Variants in KMT2D observed in about 807,000 individuals in gnomAD.
KMT2D encodes the protein histone-lysine N-methyltransferase 2D.
KMT2D carries 55 observed loss-of-function variants against 512.7 expected under a neutral mutation model. The observed-to-expected ratio is 0.11, with a 90% confidence interval of 0.09 to 0.13. KMT2D has a LOEUF of 0.13. KMT2D is among the 10% of genes least tolerant of loss of function. The pLI is 1.00. For missense variants in KMT2D, 6,061 were observed against 7,127.9 expected (o/e 0.85, Z 5.39); for synonymous variants, 2,995 against 2,904.0 (o/e 1.03, Z -1.01).
Position 49,032,445 on chromosome 12 carries a change from C to T in KMT2D, c.12260G>A (p.Ser4087Asn), listed in dbSNP as rs1942967209. 6.4e-7 allele frequency: 1 copy of T among 1,572,554 alleles called. No individual in the cohort carries two copies. The highest frequency in any genetic ancestry group is 8.6e-7 in the Non-Finnish European group (1 of 1,158,792). ...LVQPQPQPQPSSLQLQPPLRL... is the reference protein window; with the variant it reads ...LVQPQPQPQPNSLQLQPPLRL... ...CAGAGGTGGCTGCAGCTGCAGAGAG[C>T]TGGGCTGAGGCTGGGGCTGGGGTTG... The change falls in exon 40 of 55, where the codon AGC (serine) becomes AAC (asparagine). Residue 4087 changes from serine (S) to asparagine (N), a missense_variant. Around this residue, in one of 16 missense-constraint regions of KMT2D, gnomAD observed 1,600 missense variants for 1,754.9 expected, o/e 0.91. Coordinates refer to ENST00000301067, the MANE Select transcript of KMT2D (RefSeq NM_003482.4).
rs2120692115 is a variant in KMT2D, at chr12:49,052,963, C to A, written c.1064G>T (p.Gly355Val). The A allele has an allele frequency of 6.2e-7, 1 of 1,614,034 alleles. No homozygotes were observed. Among genetic ancestry groups the A allele is most frequent in the Non-Finnish European group, 8.5e-7 (1 of 1,179,868 alleles). ...LCHRCHKAQG[G>V]QTIRSVAEQH... ...CTCAGCAACGGAGCGGATAGTCTGA[C>A]CTCCCTGGGCTTTGTGACAGCGGTG... The change falls in exon 9 of 55, where the codon GGT becomes GTT. Residue 355 changes from glycine (G) to valine (V), a missense_variant. Physicochemically the swap from Gly to Val is moderately radical, Grantham distance 109. Around this residue, in one of 16 missense-constraint regions of KMT2D, gnomAD observed 848 missense variants for 838.5 expected, o/e 1.01. Transcript: ENST00000301067.
In KMT2D at chr12:49,044,144, T is replaced by C. The variant is rs1943673562; in HGVS notation, c.5188+56A>G. 7 of 1,589,570 alleles carry C rather than the reference T, an allele frequency of 4.4e-6. No individual in the cohort carries two copies. In the South Asian group the frequency reaches 6.7e-5, roughly 15 times the overall value. The stretch of plus-strand genomic sequence containing the variant: ...TTTCAATGAGTCCACCCCCTGGGTC[T>C]CTCTAGCATTGCCCCACCTTCTCCC... On this transcript the variant is annotated intron_variant, in intron 22 of 54. Transcript: ENST00000301067. The surrounding 1 kb of genome is among the most constrained non-coding windows in gnomAD (Gnocchi z 6.4).
In KMT2D at chr12:49,037,482, C is replaced by T. The variant is rs1356252726; in HGVS notation, c.9874G>A (p.Ala3292Thr). Residue 3292 changes from alanine to threonine, a missense_variant, in exon 35 of 55, where the codon GCC becomes ACC. Physicochemically the swap from Ala to Thr is moderately conservative, Grantham distance 58. Transcript: ENST00000301067. ...TCATGTGGCAAAGACATGGCCTGGGCAGGGCCTGGTGCAGACAGTAGGGAA... is the reference window on the plus strand; with the variant it reads ...TCATGTGGCAAAGACATGGCCTGGGTAGGGCCTGGTGCAGACAGTAGGGAA... ...QHSLLSAPGPAQAMSLPHEGS... is the reference protein window; with the variant it reads ...QHSLLSAPGPTQAMSLPHEGS... The T allele has an allele frequency of 5.1e-6, 8 of 1,561,642 alleles. No individual in the cohort carries two copies. The Admixed American group carries it at 5.8e-5, about 11-fold the overall frequency.
At position 49,048,737 on chromosome 12, in the gene KMT2D, C is replaced by T. The variant is rs1396972164; in HGVS notation, c.4053G>A (p.Glu1351=). The T allele has an allele frequency of 6.2e-7, 1 of 1,612,226 alleles. No homozygotes were observed. The highest frequency in any genetic ancestry group is 8.5e-7 in the Non-Finnish European group (1 of 1,178,856). ...TGGTGTCATCATCTTCTTCCTCCTC[C>T]TCCTTACTGGGAGAGCTATCAATGT... is the stretch of plus-strand genomic sequence containing the variant. The part of the protein sequence containing the change: ...VADIDSSPSK[E]EEEEDDDTMQ... Residue 1351 remains glutamate (E), a synonymous_variant, in exon 14 of 55, where the codon GAG becomes GAA. Coordinates refer to ENST00000301067, the MANE Select transcript of KMT2D (RefSeq NM_003482.4).
At position 49,044,278 on chromosome 12, in the gene KMT2D, G is replaced by A. The variant is rs1943681513; in HGVS notation, c.5110C>T (p.Arg1704Trp). Residue 1704 changes from arginine (R) to tryptophan (W), a missense_variant, in exon 22 of 55, where the codon CGG (arginine) becomes TGG (tryptophan). Arg to Trp is a moderately radical substitution (Grantham distance 101). Coordinates refer to ENST00000301067, the MANE Select transcript of KMT2D (RefSeq NM_003482.4). The surrounding 1 kb of genome is among the most constrained non-coding windows in gnomAD (Gnocchi z 6.4). Reference protein sequence around the residue: ...PGIGGFMVRQRKSHTRTKKGP... With the variant: ...PGIGGFMVRQWKSHTRTKKGP... ...TTTTTCGTGCGTGTGTGGGATTTCCGCTGTCGCACCATGAAACCACCAATG... is the reference window on the plus strand; with the variant it reads ...TTTTTCGTGCGTGTGTGGGATTTCCACTGTCGCACCATGAAACCACCAATG... 1.9e-6 allele frequency: 3 copies of A among 1,613,540 alleles called. No individual in the cohort carries two copies. The highest frequency in any genetic ancestry group is 1.7e-6 in the Non-Finnish European group (2 of 1,179,886).
In KMT2D at chr12:49,021,796, C is replaced by T. The variant is rs1028780200; in HGVS notation, c.16598G>A (p.Arg5533Gln). 2.5e-6 allele frequency: 4 copies of T among 1,613,824 alleles called. No homozygotes were observed. The highest frequency in any genetic ancestry group is 2.2e-5 in the South Asian group (2 of 91,078). ...IPCHCGAWNCRKWMN is the reference protein window; with the variant it reads ...IPCHCGAWNCQKWMN Reference sequence around the variant, plus strand: ...CAAAGCTTCTTAGTTCATCCATTTCCGACAATTCCAGGCTCCACAGTGGCA... The same window carrying T: ...CAAAGCTTCTTAGTTCATCCATTTCTGACAATTCCAGGCTCCACAGTGGCA... The change falls in exon 55 of 55, where the codon CGG (arginine) becomes CAG (glutamine). Residue 5533 changes from arginine to glutamine, a missense_variant. Arg to Gln is a conservative substitution (Grantham distance 43). This residue lies in a region of KMT2D where 44 missense variants were observed against 194.7 expected (regional missense o/e 0.23). Coordinates refer to ENST00000301067, the MANE Select transcript of KMT2D (RefSeq NM_003482.4).
chr12:49,033,896 CTGT>C lies in KMT2D; in HGVS notation c.10806_10808del (p.Gln3612del), dbSNP rs762392663. The C allele has an allele frequency of 1.3e-5, 20 of 1,532,950 alleles. 1 individual carries two copies. The South Asian group carries it at 2.5e-4, about 19-fold the overall frequency. The allele number at this position is 1,532,950 out of a possible 1,614,324, so 95.0% of individuals were successfully genotyped here. On this transcript the variant is annotated inframe_deletion, in exon 40 of 55. Transcript: ENST00000301067. ...GTTGCTGTTGTTGCTGCTGCTGCTG[CTGT>C]TGTTGCTGCTGCTTGTTCCGATATT... is the stretch of plus-strand genomic sequence containing the variant.
Position 49,045,911 on chromosome 12 carries a change from G to A in KMT2D, c.4741+9C>T. 1.9e-6 allele frequency: 3 copies of A among 1,612,140 alleles called. 1 individual carries two copies. The highest frequency in any genetic ancestry group is 2.2e-5 in the East Asian group (1 of 44,872). ...TCTGGCTTTGGCATTCAAAATTTCT[G>A]TGACTCACCTGGCTCTTTCACCTTC... On this transcript the variant is annotated intron_variant, in intron 19 of 54. Transcript: ENST00000301067.
At position 49,046,842 on chromosome 12, in the gene KMT2D, A is replaced by G; in HGVS notation, c.4237-52T>C. 1 of 1,523,774 alleles carries G rather than the reference A, an allele frequency of 6.6e-7. No homozygotes were observed. The highest frequency in any genetic ancestry group is 1.2e-5 in the South Asian group (1 of 82,676). 94.4% of individuals were successfully genotyped at this position (1,523,774 alleles called of 1,614,324 possible). On this transcript the variant is annotated intron_variant, in intron 15 of 54. Transcript: ENST00000301067. The surrounding 1 kb of genome is among the most constrained non-coding windows in gnomAD (Gnocchi z 4.2). ...GGGTGTGAGGTGGAAAAGAGGTAGA[A>G]CTTCTTTTTATTTTTTTTTGGAGAT...
chr12:49,022,244 G>A lies in KMT2D; in HGVS notation c.16412+36C>T, dbSNP rs2137704570. The A allele has an allele frequency of 1.3e-6, 2 of 1,593,962 alleles. No homozygotes were observed. The highest frequency in any genetic ancestry group is 2.3e-5 in the East Asian group (1 of 43,986). ...CTATCCCCCAGAGTGCCACTCTCAG[G>A]GACCACTAAATCCCTCCTTCCTCGT... On this transcript the variant is annotated intron_variant, in intron 53 of 54. Transcript: ENST00000301067. The surrounding 1 kb of genome is among the most constrained non-coding windows in gnomAD (Gnocchi z 8.6).
Position 49,037,685 on chromosome 12 carries a change from C to T in KMT2D, c.9671G>A (p.Gly3224Asp), listed in dbSNP as rs2120484185. ...ELESGALTLPGGPAASGDELD... is the reference protein window; with the variant it reads ...ELESGALTLPDGPAASGDELD... ...CTCATCCCCAGATGCTGCAGGTCCACCAGGCAAGGTCAAAGCCCCACTCTC... is the reference window on the plus strand; with the variant it reads ...CTCATCCCCAGATGCTGCAGGTCCATCAGGCAAGGTCAAAGCCCCACTCTC... The change falls in exon 35 of 55, where the codon GGT becomes GAT. Residue 3224 changes from glycine (G) to aspartate (D), a missense_variant. Gly to Asp is a moderately conservative substitution (Grantham distance 94, BLOSUM62 -1). This residue lies in a region of KMT2D where 533 missense variants were observed against 539.6 expected (regional missense o/e 0.99). Transcript: ENST00000301067. 1 of 1,585,094 alleles carries T rather than the reference C, an allele frequency of 6.3e-7. No individual in the cohort carries two copies. Among genetic ancestry groups the T allele is most frequent in the Non-Finnish European group, 8.6e-7 (1 of 1,165,566 alleles).
Position 49,038,053 on chromosome 12 carries a change from G to T in KMT2D, c.9303C>A (p.Pro3101=), listed in dbSNP as rs765240382. 5 of 1,612,378 alleles carry T rather than the reference G, an allele frequency of 3.1e-6. No homozygotes were observed. In the African/African-American group the frequency reaches 6.7e-5, roughly 22 times the overall value. The change falls in exon 35 of 55, where the codon CCC becomes CCA. Residue 3101 remains proline, a synonymous_variant. Coordinates refer to ENST00000301067, the MANE Select transcript of KMT2D (RefSeq NM_003482.4). This position sits in a 1 kb window ranked among gnomAD's most constrained non-coding sequence, Gnocchi z 5.7. ...PGPLGPEERP[P]PAADASEPRL... ...GGGGTTCAGAGGCATCAGCAGCAGG[G>T]GGAGGGCGCTCCTCAGGGCCCAAGG...
In KMT2D at chr12:49,041,963, A is replaced by G. The variant is rs1316091128; in HGVS notation, c.6137T>C (p.Met2046Thr). The G allele has an allele frequency of 1.1e-5, 17 of 1,611,826 alleles. No individual in the cohort carries two copies. Among genetic ancestry groups the G allele is most frequent in the Non-Finnish European group, 1.4e-5 (17 of 1,178,972 alleles). Residue 2046 changes from methionine (M) to threonine (T), a missense_variant, in exon 30 of 55, where the codon ATG becomes ACG. By Grantham distance (81) the Met-to-Thr change is moderately conservative. Transcript: ENST00000301067. The surrounding 1 kb of genome is among the most constrained non-coding windows in gnomAD (Gnocchi z 5.4). ...TGCTGGAACCTTTCTCCAGAGCTTC[A>G]TGATTTGTTTGCAACGGCTTGACCA... ...PDWSSRCKQI[M>T]KLWRKVPAAD...
rs2120531470 is a variant in KMT2D, at chr12:49,040,611, G to T, written c.7159C>A (p.Pro2387Thr). 6.2e-7 allele frequency: 1 copy of T among 1,613,512 alleles called. No homozygotes were observed. The highest frequency in any genetic ancestry group is 1.3e-5 in the African/African-American group (1 of 74,970). Residue 2387 changes from proline (P) to threonine (T), a missense_variant, in exon 32 of 55, where the codon CCC becomes ACC. Coordinates refer to ENST00000301067, the MANE Select transcript of KMT2D (RefSeq NM_003482.4). ...PYAQPPLTPR[P>T]QPPPPESCCA... The stretch of plus-strand genomic sequence containing the variant: ...CAGCTCTCAGGGGGCGGAGGTTGGG[G>T]CCGAGGAGTCAATGGGGGCTGAGCA...
rs980258889 is a variant in KMT2D, at chr12:49,024,824, G to A, written c.15907C>T (p.Arg5303Cys). ...CCCTTCCTTACTGATTCAGCTATGC[G>A]AAGCACGGCATGCACCGTCAGCCCA... ...LFGLTVHAVLRIAESLPGVES... is the reference protein window; with the variant it reads ...LFGLTVHAVLCIAESLPGVES... Residue 5303 changes from arginine to cysteine, a missense_variant, in exon 50 of 55, where the codon CGC becomes TGC. By Grantham distance (180) the Arg-to-Cys change is radical. Transcript: ENST00000301067. This position sits in a 1 kb window ranked among gnomAD's most constrained non-coding sequence, Gnocchi z 4.5. 1.4e-5 allele frequency: 23 copies of A among 1,612,808 alleles called. No homozygotes were observed. The highest frequency in any genetic ancestry group is 1.9e-5 in the Non-Finnish European group (22 of 1,179,410).
In KMT2D at chr12:49,046,340, A is replaced by G. The variant is rs1592146012; in HGVS notation, c.4503T>C (p.Cys1501=). The G allele has an allele frequency of 6.2e-7, 1 of 1,613,968 alleles. No individual in the cohort carries two copies. Among genetic ancestry groups the G allele is most frequent in the Non-Finnish European group, 8.5e-7 (1 of 1,179,876 alleles). ...WQNSYTHCGP[C]ASLVTCPICH... is the part of the protein sequence containing the mutation. Reference sequence around the variant, plus strand: ...AGATAGGGCAGGTCACCAGGCTGGCACAGGGCCCACAGTGTGTGTAACTAT... The same window carrying G: ...AGATAGGGCAGGTCACCAGGCTGGCGCAGGGCCCACAGTGTGTGTAACTAT... The change falls in exon 17 of 55, where the codon TGT becomes TGC. Residue 1501 remains cysteine, a synonymous_variant. Coordinates refer to ENST00000301067, the MANE Select transcript of KMT2D (RefSeq NM_003482.4). The surrounding 1 kb of genome is among the most constrained non-coding windows in gnomAD (Gnocchi z 4.2).
rs200422133 is a variant in KMT2D, at chr12:49,039,778, G to C, written c.7992C>G (p.Thr2664=). Residue 2664 remains threonine, a synonymous_variant, in exon 32 of 55, where the codon ACC becomes ACG. Coordinates refer to ENST00000301067, the MANE Select transcript of KMT2D (RefSeq NM_003482.4). The surrounding 1 kb of genome is among the most constrained non-coding windows in gnomAD (Gnocchi z 5.0). The part of the protein sequence containing the change: ...SSLATAELPG[T]QDPGMSGLSQ... ...TAAGGCCGGACATGCCTGGGTCCTG[G>C]GTACCTGGGAGTTCAGCTGTCGCCA... 1 of 1,613,924 alleles carries C rather than the reference G, an allele frequency of 6.2e-7. No individual in the cohort carries two copies.
In KMT2D at chr12:49,051,214, G is replaced by A. The variant is rs2120665489; in HGVS notation, c.2469C>T (p.Cys823=). 1 of 1,513,140 alleles carries A rather than the reference G, an allele frequency of 6.6e-7. No homozygotes were observed. The highest frequency in any genetic ancestry group is 8.9e-7 in the Non-Finnish European group (1 of 1,125,320). 93.7% of individuals were successfully genotyped at this position (1,513,140 alleles called of 1,614,324 possible). The change falls in exon 11 of 55, where the codon TGC becomes TGT. Residue 823 remains cysteine, a synonymous_variant. Transcript: ENST00000301067. The part of the protein sequence containing the change: ...PHLSPVPEEP[C]LSPQPEESHL... ...GTGATTCCTCAGGTTGGGGGGACAA[G>A]CATGGCTCCTCAGGCACAGGAGACA...
At position 49,054,714 on chromosome 12, in the gene KMT2D, C is replaced by T. The variant is rs770192344; in HGVS notation, c.214G>A (p.Gly72Arg). Residue 72 changes from glycine (G) to arginine (R), a missense_variant, in exon 4 of 55, where the codon GGG (glycine) becomes AGG (arginine). By Grantham distance (125) the Gly-to-Arg change is moderately radical (BLOSUM62 -2). Around this residue, in one of 16 missense-constraint regions of KMT2D, gnomAD observed 144 missense variants for 165.7 expected, o/e 0.87. Coordinates refer to ENST00000301067, the MANE Select transcript of KMT2D (RefSeq NM_003482.4). This position sits in a 1 kb window ranked among gnomAD's most constrained non-coding sequence, Gnocchi z 6.4. The part of the protein sequence containing the change: ...PVRRCALCNC[G>R]EPSLHGQREL... ...CGCTGCCCGTGTAGACTGGGCTCCC[C>T]GCAGTTACAGAGAGCACAACGCCGC... The T allele has an allele frequency of 2.5e-6, 4 of 1,613,464 alleles. No individual in the cohort carries two copies. Among genetic ancestry groups the T allele is most frequent in the Admixed American group, 1.7e-5 (1 of 59,930 alleles).
Sources: allele counts gnomAD v4.1 joint callset, GRCh38; gene constraint gnomAD v4.1.1; regional missense constraint gnomAD v4.1.1; non-coding constraint Gnocchi (gnomAD v3.1); transcripts MANE v1.5; gene names NCBI Gene and HGNC (gene_info 2026-07-23, HGNC 2026-07-21).